FGF14: variants seen among roughly 807,000 people sequenced by gnomAD.
FGF14 encodes fibroblast growth factor homologous factor 4.
A neutral mutation model predicts 25.5 loss-of-function variants in FGF14; 5 were observed. That is an observed-to-expected ratio of 0.20 (90% CI 0.10 to 0.41). FGF14 has a LOEUF of 0.41. FGF14 is among the 10% of genes least tolerant of loss of function. The pLI, the probability that FGF14 is intolerant of heterozygous loss-of-function variation, is 1.00. For synonymous variants in FGF14, 138 were observed against 118.3 expected, an observed-to-expected ratio of 1.17 and a Z score of -1.08; for missense variants, 222 against 320.1, an observed-to-expected ratio of 0.69 and a Z score of 2.34.
chr13:101,873,403 T>C (rs2045220838), intron 2 of FGF14, among the ~76,000 whole-genome samples: 2 of 152,136 alleles, frequency 1.3e-5, no homozygotes, highest in South Asian at 4.1e-4. Context: ...ATGTCCTGTC[T>C]TGAAAACTTT....
chr13:101,829,045 T>C lies in FGF14; in HGVS notation c.408+39680A>G, dbSNP rs1238699773. Among the ~76,000 whole-genome samples, 6 of 152,192 alleles carry C rather than the reference T, an allele frequency of 3.9e-5. No individual in the cohort carries two copies. The South Asian group carries it at 1.2e-3, about 32-fold the overall frequency. Reference sequence around the variant, plus strand: ...TGCTGTGTTTCTGGTGTTTCCAAATTCAAGTTTTTGCTATTTATCCCTGGG... The same window carrying C: ...TGCTGTGTTTCTGGTGTTTCCAAATCCAAGTTTTTGCTATTTATCCCTGGG... On this transcript the variant is annotated intron_variant, in intron 3 of 4. Transcript: ENST00000376143.
chr13:102,164,309 C>A (rs1329118600), intron 1 of FGF14, among the ~76,000 whole-genome samples: 1 of 152,166 alleles, frequency 6.6e-6, no homozygotes, highest in Non-Finnish European at 1.5e-5. Context: ...TGGTGAAAAG[C>A]ACTGCTGACA....
At chr13:101,813,748 G>A (rs187497596) in intron 3 of FGF14, among the ~76,000 whole-genome samples, 2 of 152,242 alleles carry the variant, frequency 1.3e-5, no homozygotes, top group Non-Finnish European at 2.9e-5. Flanking sequence ...TAAAATAAAG[G>A]CATCAGGTAT....
At chr13:102,359,219 G>A (rs1194993111) in intron 1 of FGF14, among the ~76,000 whole-genome samples, 1 of 152,050 alleles carries the variant, frequency 6.6e-6, no homozygotes, top group African/African-American at 2.4e-5. Context: ...TGCATCCTGG[G>A]CTTAATACTT....
intron 1 of FGF14, among the ~76,000 whole-genome samples, chr13:102,015,361 T>C (rs539840761): frequency 6.6e-6 from 1 of 152,260 alleles, no homozygotes; most frequent in South Asian, 2.1e-4. Context: ...TTATTTCACA[T>C]TGTCACAGGC....
chr13:101,742,093 T>G (rs1017343487), intron 3 of FGF14, among the ~76,000 whole-genome samples: 28 of 152,270 alleles, frequency 1.8e-4, no homozygotes, highest in African/African-American at 6.7e-4. Flanking sequence ...CCTGTGTCCA[T>G]GTGTTCTCAT....
chr13:102,195,077 G>A (rs1171856713), intron 1 of FGF14, among the ~76,000 whole-genome samples: 1 of 152,106 alleles, frequency 6.6e-6, no homozygotes, highest in Non-Finnish European at 1.5e-5. Flanking sequence ...GAAATAATTT[G>A]TCACTTATAA....
chr13:102,034,768 G>T (rs1276663375), intron 1 of FGF14, among the ~76,000 whole-genome samples: 1 of 152,116 alleles, frequency 6.6e-6, no homozygotes, highest in African/African-American at 2.4e-5. Flanking sequence ...GGCATTAGAT[G>T]ATGGCTATGC....
intron 1 of FGF14, among the ~76,000 whole-genome samples, chr13:102,217,665 GT>G (rs2050432112): frequency 6.6e-6 from 1 of 152,148 alleles, no homozygotes; most frequent in Non-Finnish European, 1.5e-5. Flanking sequence ...GAAAGAAGAT[GT>G]TGACTCAGAA....
chr13:101,881,284 A>G (rs777946583), intron 1 of FGF14, among the ~76,000 whole-genome samples: 1 of 152,186 alleles, frequency 6.6e-6, no homozygotes, highest in African/African-American at 2.4e-5. Flanking sequence ...ACTATTTTCT[A>G]ATGAAATTTT....
At chr13:101,723,174 A>G (rs2035113980) in intron 4 of FGF14, 3 of 617,798 alleles carry the variant, frequency 4.9e-6, no homozygotes, top group East Asian at 3.0e-5. Context: ...TCTGGTCTGT[A>G]TACCTAAAAT....
At chr13:101,953,451 C>T (rs764638788) in intron 1 of FGF14, among the ~76,000 whole-genome samples, 3 of 151,866 alleles carry the variant, frequency 2.0e-5, no homozygotes, top group Admixed American at 6.6e-5. Flanking sequence ...CTTCTGGACT[C>T]GAACCCAATG....
intron 1 of FGF14, among the ~76,000 whole-genome samples, chr13:101,943,525 G>C (rs888949787): frequency 2.6e-5 from 4 of 152,178 alleles, no homozygotes; most frequent in African/African-American, 7.2e-5. Context: ...TCACAACAAA[G>C]TATTATCCAG....
intron 1 of FGF14, among the ~76,000 whole-genome samples, chr13:102,146,457 A>G (rs184697281): frequency 6.6e-6 from 1 of 152,218 alleles, no homozygotes; most frequent in Non-Finnish European, 1.5e-5. Flanking sequence ...AAATACAGCA[A>G]TATGTCATTA....
At chr13:101,950,865 G>T (rs2036125152) in intron 1 of FGF14, among the ~76,000 whole-genome samples, 1 of 126,440 alleles carries the variant, frequency 7.9e-6, no homozygotes, top group Non-Finnish European at 1.8e-5. Flanking sequence ...AAAATGGCAA[G>T]ATACCACAAA....
intron 1 of FGF14, among the ~76,000 whole-genome samples, chr13:102,195,730 T>C (rs1396473922): frequency 6.8e-6 from 1 of 147,658 alleles, no homozygotes; most frequent in Non-Finnish European, 1.5e-5. Flanking sequence ...AAGCAGAGGT[T>C]GCAGTGAGCC....
chr13:102,241,868 T>G (rs1306641548), intron 1 of FGF14, among the ~76,000 whole-genome samples: 1 of 152,130 alleles, frequency 6.6e-6, no homozygotes, highest in Non-Finnish European at 1.5e-5. Context: ...GGAAATAATT[T>G]TCTACAAGCC....
At chr13:102,025,187 T>G (rs1247869698) in intron 1 of FGF14, among the ~76,000 whole-genome samples, 1 of 151,932 alleles carries the variant, frequency 6.6e-6, no homozygotes, top group Non-Finnish European at 1.5e-5. Context: ...AATGTCCATA[T>G]AAACTTTAGG....
intron 1 of FGF14, among the ~76,000 whole-genome samples, chr13:102,112,590 G>A (rs2045285660): frequency 6.6e-6 from 1 of 152,150 alleles, no homozygotes; most frequent in Non-Finnish European, 1.5e-5. Flanking sequence ...CTGTGCTCCA[G>A]GCATTTGGAA....
Sources: allele counts gnomAD v4.1 joint callset (sites outside exome capture counted in the v4.1 genomes callset), GRCh38; gene constraint gnomAD v4.1.1; transcripts MANE v1.5; gene names NCBI Gene and HGNC (gene_info 2026-07-23, HGNC 2026-07-21).